Variants in GBA1 observed in about 807,000 individuals in gnomAD.
GBA1 encodes lysosomal acid glucosylceramidase.
the GBA1 span, chr1:155,235,301 G>A: frequency 1.2e-6 from 2 of 1,612,786 alleles, no homozygotes; most frequent in Non-Finnish European, 1.7e-6. Flanking sequence ...GAGCCCTCAG[G>A]AATGAACTTG....
At chr1:155,240,978 A>C in the GBA1 span, 1 of 1,119,866 alleles carries the variant, frequency 8.9e-7, no homozygotes, top group Non-Finnish European at 1.4e-6. Context: ...GCCTTGCTCA[A>C]AGAGCCATGA....
the GBA1 span, chr1:155,240,850 A>T: frequency 1.1e-6 from 1 of 902,942 alleles, no homozygotes; most frequent in South Asian, 1.3e-5. Context: ...GGCCCACAGA[A>T]ACCTGGGTGC....
At chr1:155,235,311 G>A in the GBA1 span, 2 of 1,610,806 alleles carry the variant, frequency 1.2e-6, no homozygotes, top group African/African-American at 1.3e-5. Flanking sequence ...GAATGAACTT[G>A]CTGAATGTGG....
the GBA1 span, chr1:155,237,804 A>G: frequency 1.5e-5 from 14 of 920,762 alleles, no homozygotes; most frequent in Non-Finnish European, 2.3e-5. Flanking sequence ...TGGAAGGCTG[A>G]GGCAGGAGAA....
At chr1:155,239,800 A>C in the GBA1 span, 1 of 1,614,112 alleles carries the variant, frequency 6.2e-7, no homozygotes, top group Non-Finnish European at 8.5e-7. Context: ...ATCAGTACCC[A>C]GCGGGAAACT....
At chr1:155,239,751 T>C in the GBA1 span, 1 of 1,613,862 alleles carries the variant, frequency 6.2e-7, no homozygotes, top group Non-Finnish European at 8.5e-7. Context: ...GGCTGCAGGG[T>C]CAGTAGCAGG....
the GBA1 span, chr1:155,240,508 A>G: frequency 7.2e-6 from 6 of 832,888 alleles, no homozygotes; most frequent in African/African-American, 1.7e-5. Context: ...GGTCTCAGTC[A>G]CTCAAAAGGA....
At chr1:155,242,250 TCTCA>T in the GBA1 span, among the ~76,000 whole-genome samples, 1 of 152,186 alleles carries the variant, frequency 6.6e-6, no homozygotes, top group Non-Finnish European at 1.5e-5. Context: ...TGAGACAGAG[TCTCA>T]CTCTGTTGCC....
the GBA1 span, chr1:155,241,208 T>C: frequency 3.3e-6 from 4 of 1,219,570 alleles, no homozygotes; most frequent in Non-Finnish European, 4.8e-6. Context: ...TGCAGGTACC[T>C]GCCTTAGCTA....
the GBA1 span, chr1:155,240,294 T>A: frequency 3.3e-6 from 2 of 606,722 alleles, no homozygotes; most frequent in South Asian, 4.0e-5. Flanking sequence ...TGAAACCCCG[T>A]CTCTACTAAA....
At chr1:155,236,212 T>C in the GBA1 span, 2 of 1,573,288 alleles carry the variant, frequency 1.3e-6, no homozygotes, top group Non-Finnish European at 1.7e-6. Flanking sequence ...GTCTGAGGTC[T>C]GCTTTGCAGG....
At chr1:155,237,029 T>G in the GBA1 span, among the ~76,000 whole-genome samples, 4 of 124,966 alleles carry the variant, frequency 3.2e-5, no homozygotes, top group African/African-American at 1.4e-4. Context: ...CATGCCCAGA[T>G]AATTTTTTTT....
chr1:155,239,574 A>G, the GBA1 span: 1 of 1,611,696 alleles, frequency 6.2e-7, no homozygotes, highest in Non-Finnish European at 8.5e-7. Context: ...AAAAACGAAA[A>G]GTTTCAATGG....
chr1:155,242,209 CTT>C, the GBA1 span, among the ~76,000 whole-genome samples: 1 of 152,144 alleles, frequency 6.6e-6, no homozygotes, highest in African/African-American at 2.4e-5. Flanking sequence ...CTACTTGTCT[CTT>C]GTTTGTATTT....
the GBA1 span, chr1:155,236,464 C>T: frequency 9.9e-6 from 16 of 1,613,312 alleles, no homozygotes; most frequent in Non-Finnish European, 1.3e-5. Flanking sequence ...CTGGGTCTGT[C>T]AGTACCTGCA....
the GBA1 span, chr1:155,236,456 G>C: frequency 6.2e-7 from 1 of 1,613,956 alleles, no homozygotes; most frequent in Non-Finnish European, 8.5e-7. Context: ...AGCTGCTTCT[G>C]GGTCTGTCAG....
the GBA1 span, chr1:155,237,600 A>G: frequency 6.8e-6 from 11 of 1,612,914 alleles, no homozygotes; most frequent in Non-Finnish European, 9.3e-6. Context: ...AAGGTCATGA[A>G]TGATCCGGCC....
the GBA1 span, chr1:155,239,507 G>T: frequency 8.2e-7 from 1 of 1,226,162 alleles, no homozygotes; most frequent in Non-Finnish European, 1.2e-6. Flanking sequence ...CTCCTGTCTC[G>T]CCGACAGAAT....
chr1:155,240,409 A>G, the GBA1 span: 2 of 616,038 alleles, frequency 3.2e-6, no homozygotes, highest in Non-Finnish European at 5.8e-6. Flanking sequence ...GGTTGGAATG[A>G]GCCAAAATTG....
Sources: allele counts gnomAD v4.1 joint callset (sites outside exome capture counted in the v4.1 genomes callset), GRCh38; gene constraint gnomAD v4.1.1; transcripts MANE v1.5; gene names NCBI Gene and HGNC (gene_info 2026-07-23, HGNC 2026-07-21).